The following CTNNA2 variants were observed in gnomAD, a reference collection of about 807,000 sequenced individuals.
CTNNA2 encodes catenin alpha-2.
In CTNNA2, 42 loss-of-function variants were observed where a neutral mutation model predicts 101.0. The ratio of observed to expected loss-of-function variants is 0.42; its 90% CI spans 0.32 to 0.54. The LOEUF (loss-of-function observed/expected upper bound fraction) is 0.54. CTNNA2 is among the 20% of genes least tolerant of loss of function. The pLI is 0.14. For synonymous variants in CTNNA2, 450 were observed against 456.4 expected (o/e 0.99, Z 0.18); for missense variants, 871 against 1,223.1 (o/e 0.71, Z 4.29).
intron 7 of CTNNA2, among the ~76,000 whole-genome samples, chr2:80,315,950 C>T (rs577704232): frequency 6.6e-6 from 1 of 152,306 alleles, no homozygotes; most frequent in African/African-American, 2.4e-5. Context: ...ACCCAAGACC[C>T]ACTGTAACAA....
At chr2:79,868,126 T>C (rs1015750767) in intron 4 of CTNNA2, among the ~76,000 whole-genome samples, 6 of 152,170 alleles carry the variant, frequency 3.9e-5, no homozygotes, top group Admixed American at 3.9e-4. Context: ...ACTTCCTTTT[T>C]CACATGAGCA....
intron 7 of CTNNA2, chr2:80,298,131 A>G (rs1167690693): frequency 3.9e-5 from 6 of 151,984 alleles, no homozygotes; most frequent in Non-Finnish European, 8.8e-5. Context: ...GTGTGTGTGT[A>G]TATTTCAGAA....
intron 8 of CTNNA2, among the ~76,000 whole-genome samples, chr2:80,416,376 A>C (rs1270073279): frequency 1.3e-5 from 2 of 152,172 alleles, no homozygotes; most frequent in Non-Finnish European, 2.9e-5. Context: ...ACCTCAAGAA[A>C]GCTGAATCAA....
intron 9 of CTNNA2, among the ~76,000 whole-genome samples, chr2:80,469,604 A>G (rs1685127536): frequency 6.6e-6 from 1 of 152,198 alleles, no homozygotes; most frequent in African/African-American, 2.4e-5. Flanking sequence ...ACAAATAGGA[A>G]GTTGGCTTCT....
intron 7 of CTNNA2, among the ~76,000 whole-genome samples, chr2:79,986,369 G>T (rs956440626): frequency 1.3e-5 from 2 of 152,036 alleles, no homozygotes; most frequent in Admixed American, 1.3e-4. Flanking sequence ...GCAAACTCTT[G>T]GCCCTACCTA....
At chr2:80,484,416 G>A (rs1686390236) in intron 9 of CTNNA2, among the ~76,000 whole-genome samples, 1 of 152,136 alleles carries the variant, frequency 6.6e-6, no homozygotes, top group Non-Finnish European at 1.5e-5. Flanking sequence ...AGTGTCTAGT[G>A]TCTTAAAATT....
intron 1 of CTNNA2, among the ~76,000 whole-genome samples, chr2:79,650,149 C>T (rs1485653068): frequency 2.4e-5 from 3 of 123,412 alleles, no homozygotes; most frequent in Admixed American, 1.1e-4. Flanking sequence ...AAGAAACAAA[C>T]CCCTGATAGA....
At chr2:79,572,492 G>A (rs1009114216) in intron 1 of CTNNA2, among the ~76,000 whole-genome samples, 4 of 152,136 alleles carry the variant, frequency 2.6e-5, no homozygotes, top group Non-Finnish European at 4.4e-5. Context: ...GCTCACTCCT[G>A]TAATCCCAAC....
At chr2:80,441,275 G>A (rs1226139389) in intron 9 of CTNNA2, among the ~76,000 whole-genome samples, 3 of 152,162 alleles carry the variant, frequency 2.0e-5, no homozygotes, top group Non-Finnish European at 4.4e-5. Context: ...TGGTGAAGTT[G>A]CTTTTTGCTA....
intron 2 of CTNNA2, among the ~76,000 whole-genome samples, chr2:79,307,014 C>T (rs1367962931): frequency 6.6e-6 from 1 of 152,168 alleles, no homozygotes; most frequent in Non-Finnish European, 1.5e-5. Context: ...AGATATTAAT[C>T]CTTTTTTAGT....
intron 18 of CTNNA2, among the ~76,000 whole-genome samples, chr2:80,628,342 ATC>A (rs1671907093): frequency 6.6e-6 from 1 of 152,118 alleles, no homozygotes; most frequent in African/African-American, 2.4e-5. Flanking sequence ...AGCTGGAGGC[ATC>A]ACGTTACCTG....
chr2:79,517,149 A>T (rs1268862375), intron 1 of CTNNA2, among the ~76,000 whole-genome samples: 1 of 152,172 alleles, frequency 6.6e-6, no homozygotes, highest in African/African-American at 2.4e-5. Context: ...CTCACTGGCT[A>T]CATCTGTTGG....
chr2:80,642,076 T>G (rs1397400457), intron 18 of CTNNA2, among the ~76,000 whole-genome samples: 2 of 152,114 alleles, frequency 1.3e-5, no homozygotes, highest in East Asian at 3.9e-4. Flanking sequence ...ACTCGGTATG[T>G]CCAAAGTTAT....
chr2:80,400,841 C>T (rs2149378986), intron 8 of CTNNA2, among the ~76,000 whole-genome samples: 1 of 152,306 alleles, frequency 6.6e-6, no homozygotes, highest in South Asian at 2.1e-4. Flanking sequence ...GCCACAACCT[C>T]ATAACCAGTA....
At chr2:80,462,935 C>A (rs568108444) in intron 9 of CTNNA2, among the ~76,000 whole-genome samples, 1 of 152,222 alleles carries the variant, frequency 6.6e-6, no homozygotes, top group Admixed American at 6.5e-5. Flanking sequence ...CAGTGTTTAA[C>A]CTCTGCTCTG....
At chr2:79,665,872 A>G (rs999675587) in intron 2 of CTNNA2, among the ~76,000 whole-genome samples, 6 of 152,196 alleles carry the variant, frequency 3.9e-5, no homozygotes, top group Non-Finnish European at 8.8e-5. Flanking sequence ...CTACTTGAAT[A>G]TGATGTTATT....
chr2:80,045,633 C>T (rs181143597), intron 7 of CTNNA2, among the ~76,000 whole-genome samples: 28 of 152,194 alleles, frequency 1.8e-4, no homozygotes, highest in African/African-American at 6.7e-4. Flanking sequence ...CTTGAGTCTC[C>T]TATTATTTTC....
rs549861432 is a variant in CTNNA2 at position 80,200,581 on chromosome 2, G to T, written c.1057-192630G>T. On this transcript the variant is annotated intron_variant, in intron 7 of 18. Coordinates refer to ENST00000402739, the MANE Select transcript of CTNNA2 (RefSeq NM_001282597.3). Reference sequence around the variant, plus strand: ...GATGGAGTCTCACTGTATCACCCAGGCTGGAGTGCAATGGCGTGATCCCGG... The same window carrying T: ...GATGGAGTCTCACTGTATCACCCAGTCTGGAGTGCAATGGCGTGATCCCGG... Among the ~76,000 whole-genome samples the T allele has an allele frequency of 2.1e-4, 32 of 152,186 alleles. No individual in the cohort carries two copies. In the South Asian group the frequency reaches 6.6e-3, roughly 32 times the overall value.
At chr2:80,343,407 T>TAAA (rs3040539) in intron 7 of CTNNA2, among the ~76,000 whole-genome samples, 1 of 117,532 alleles carries the variant, frequency 8.5e-6, no homozygotes, top group South Asian at 2.6e-4. Context: ...TGACTTTTGA[T>TAAA]AAAAAAAAAA....
Sources: allele counts gnomAD v4.1 joint callset (sites outside exome capture counted in the v4.1 genomes callset), GRCh38; gene constraint gnomAD v4.1.1; transcripts MANE v1.5; gene names NCBI Gene and HGNC (gene_info 2026-07-23, HGNC 2026-07-21).